The following SPATA17 variants were observed in gnomAD, a reference collection of about 807,000 sequenced individuals.
SPATA17 encodes the protein spermatogenesis-associated protein 17.
SPATA17 carries 53 observed loss-of-function variants against 62.2 expected under a neutral mutation model. That is an observed-to-expected ratio of 0.85 (90% confidence interval 0.68 to 1.07). The LOEUF (loss-of-function observed/expected upper bound fraction) is 1.07, where lower values mean the gene tolerates loss of function less well. Among genes scored for constraint, SPATA17 ranks in the 50% least tolerant of loss-of-function variants. The probability of loss-of-function intolerance (pLI) is 0.00; values close to 1 mark genes in which losing one functional copy is unlikely to be tolerated. For synonymous variants in SPATA17, 146 were observed against 146.8 expected (o/e 0.99, Z 0.04); for missense variants, 466 against 425.5 (o/e 1.10, Z -0.84).
At position 217,631,456 on chromosome 1, in the gene SPATA17, G is replaced by A. The variant is rs772006763; in HGVS notation, c.68+10G>A. On this transcript the variant is annotated intron_variant, in intron 1 of 10. Transcript: ENST00000366933. The stretch of plus-strand genomic sequence containing the variant: ...ACTACTTTAGGAACAGGTAAGTCAG[G>A]AAGAGAAGGATCGCGTAAAGGGCGG... 6.2e-7 allele frequency: 1 copy of A among 1,614,106 alleles called. No individual in the cohort carries two copies. Among genetic ancestry groups the A allele is most frequent in the Non-Finnish European group, 8.5e-7 (1 of 1,179,954 alleles).
intron 3 of SPATA17, among the ~76,000 whole-genome samples, chr1:217,666,526 GTT>G (rs56066765): frequency 1.6e-4 from 23 of 145,488 alleles, no homozygotes; most frequent in Admixed American, 4.1e-4. Context: ...ATTTACATGT[GTT>G]TTTTTTTTTA....
chr1:217,750,100 A>T (rs1194313988), intron 6 of SPATA17, among the ~76,000 whole-genome samples: 1 of 147,502 alleles, frequency 6.8e-6, no homozygotes, highest in African/African-American at 2.5e-5. Flanking sequence ...AACATGTTAC[A>T]AGCTTTTCAC....
chr1:217,772,313 G>A (rs1381321267), intron 6 of SPATA17, among the ~76,000 whole-genome samples: 1 of 152,050 alleles, frequency 6.6e-6, no homozygotes, highest in African/African-American at 2.4e-5. Context: ...TGCCTTTAAT[G>A]TTTTTCCACA....
intron 6 of SPATA17, among the ~76,000 whole-genome samples, chr1:217,769,101 A>C (rs984256959): frequency 1.3e-5 from 2 of 152,204 alleles, no homozygotes; most frequent in Non-Finnish European, 2.9e-5. Flanking sequence ...TTAATGTATG[A>C]TCATATGGAA....
intron 5 of SPATA17, among the ~76,000 whole-genome samples, chr1:217,721,557 C>T (rs1438895369): frequency 2.0e-5 from 3 of 152,136 alleles, no homozygotes; most frequent in African/African-American, 7.2e-5. Flanking sequence ...CCATGTGCTC[C>T]AAATGACTCC....
chr1:217,683,459 G>C, intron 5 of SPATA17, 98 bp downstream of exon 5: 1 of 846,248 alleles, frequency 1.2e-6, no homozygotes. Flanking sequence ...TTTTGTTTTA[G>C]ATGGAGTCTT....
chr1:217,635,460 T>G (rs1669915843), intron 1 of SPATA17, among the ~76,000 whole-genome samples: 1 of 152,172 alleles, frequency 6.6e-6, no homozygotes. Context: ...TCCCAGCACT[T>G]TGGGAGGCTG....
intron 6 of SPATA17, among the ~76,000 whole-genome samples, chr1:217,746,141 A>T (rs1672745169): frequency 6.6e-6 from 1 of 152,040 alleles, no homozygotes; most frequent in African/African-American, 2.4e-5. Flanking sequence ...TTTAAGTACA[A>T]ATAAAAGCCA....
intron 9 of SPATA17, among the ~76,000 whole-genome samples, chr1:217,833,253 G>T (rs1398519147): frequency 1.3e-5 from 2 of 152,130 alleles, no homozygotes; most frequent in East Asian, 3.9e-4. Context: ...CATAGAGCTT[G>T]CTAGTCTTTT....
chr1:217,643,184 T>A (rs537116521), intron 1 of SPATA17, among the ~76,000 whole-genome samples: 1 of 151,704 alleles, frequency 6.6e-6, no homozygotes. Flanking sequence ...TTTTTTCTCT[T>A]ACCTTTTCTG....
chr1:217,635,446 A>G (rs1374618050), intron 1 of SPATA17, among the ~76,000 whole-genome samples: 1 of 152,144 alleles, frequency 6.6e-6, no homozygotes, highest in African/African-American at 2.4e-5. Flanking sequence ...GCTCACGCCT[A>G]TAATCCCAGC....
chr1:217,701,386 A>G (rs1450167727), intron 5 of SPATA17, among the ~76,000 whole-genome samples: 1 of 149,234 alleles, frequency 6.7e-6, no homozygotes, highest in African/African-American at 2.5e-5. Flanking sequence ...TGTTTTATTT[A>G]TTTATTTTTT....
intron 9 of SPATA17, among the ~76,000 whole-genome samples, chr1:217,837,800 T>G (rs1675295821): frequency 6.6e-6 from 1 of 152,186 alleles, no homozygotes; most frequent in Non-Finnish European, 1.5e-5. Context: ...AGAAGTACTT[T>G]TATTTCTCTT....
At chr1:217,637,176 C>T in intron 1 of SPATA17, among the ~76,000 whole-genome samples, 1 of 152,248 alleles carries the variant, frequency 6.6e-6, no homozygotes, top group East Asian at 1.9e-4. Context: ...CTGAGCACTG[C>T]TTTCACAAAC....
chr1:217,663,628 A>C (rs1004074724), intron 3 of SPATA17, among the ~76,000 whole-genome samples: 1 of 152,128 alleles, frequency 6.6e-6, no homozygotes, highest in East Asian at 1.9e-4. Flanking sequence ...GGCTCATCAG[A>C]TCTGTTATCC....
At chr1:217,713,481 T>C (rs1671927621) in intron 5 of SPATA17, among the ~76,000 whole-genome samples, 1 of 152,230 alleles carries the variant, frequency 6.6e-6, no homozygotes, top group Non-Finnish European at 1.5e-5. Context: ...CACCAGGTCT[T>C]TCTTTAAGAA....
At chr1:217,825,924 T>A (rs143482413) in intron 9 of SPATA17, among the ~76,000 whole-genome samples, 5 of 152,282 alleles carry the variant, frequency 3.3e-5, no homozygotes, top group African/African-American at 1.2e-4. Flanking sequence ...TGTTGTTAGA[T>A]TTATTCCTAA....
intron 7 of SPATA17, among the ~76,000 whole-genome samples, chr1:217,779,168 G>GTC (rs1279689757): frequency 7.6e-6 from 1 of 130,954 alleles, no homozygotes; most frequent in African/African-American, 2.7e-5. Context: ...GTGTGTGTGT[G>GTC]TGTGTCTGTG....
At chr1:217,761,451 T>G (rs1449273484) in intron 6 of SPATA17, among the ~76,000 whole-genome samples, 1 of 152,176 alleles carries the variant, frequency 6.6e-6, no homozygotes, top group Admixed American at 6.6e-5. Flanking sequence ...CTCCACAGAA[T>G]AGTGTACTTC....
Sources: allele counts gnomAD v4.1 joint callset (sites outside exome capture counted in the v4.1 genomes callset), GRCh38; gene constraint gnomAD v4.1.1; transcripts MANE v1.5; gene names NCBI Gene and HGNC (gene_info 2026-07-23, HGNC 2026-07-21).